PGCKA1: variants seen among roughly 807,000 people sequenced by gnomAD.
PGCKA1 encodes the protein PDCD10 and GCKIII kinases associated 1, also known as PDCD10 and GCKIII kinases-associated protein 1.
At chr4:37,508,339 T>G in the PGCKA1 span, among the ~76,000 whole-genome samples, 7 of 152,158 alleles carry the variant, frequency 4.6e-5, no homozygotes, top group African/African-American at 1.7e-4. Flanking sequence ...CCAATAACTT[T>G]TAGATTTGCC....
chr4:37,556,578 T>C, the PGCKA1 span, among the ~76,000 whole-genome samples: 1 of 152,178 alleles, frequency 6.6e-6, no homozygotes, highest in African/African-American at 2.4e-5. Flanking sequence ...TTATTAGTTT[T>C]TCATCCGATA....
chr4:37,591,113 C>T, the PGCKA1 span: 1 of 822,730 alleles, frequency 1.2e-6, no homozygotes, highest in Non-Finnish European at 1.9e-6. Context: ...GCAGCCTTAC[C>T]AGTTGTTTAC....
At chr4:37,462,705 A>AT in the PGCKA1 span, among the ~76,000 whole-genome samples, 2 of 151,930 alleles carry the variant, frequency 1.3e-5, no homozygotes, top group East Asian at 1.9e-4. Flanking sequence ...AAAGATTTTT[A>AT]TTTTTTTTCA....
the PGCKA1 span, among the ~76,000 whole-genome samples, chr4:37,473,750 C>T: frequency 2.0e-5 from 3 of 152,154 alleles, no homozygotes; most frequent in Admixed American, 2.0e-4. Flanking sequence ...CTTCTAGGCT[C>T]CCTGACCAAC....
chr4:37,567,612 A>C, the PGCKA1 span, among the ~76,000 whole-genome samples: 1 of 151,974 alleles, frequency 6.6e-6, no homozygotes, highest in Non-Finnish European at 1.5e-5. Flanking sequence ...AATCTTCCTG[A>C]ATGTTCGTCT....
chr4:37,535,415 C>A, the PGCKA1 span, among the ~76,000 whole-genome samples: 1 of 152,134 alleles, frequency 6.6e-6, no homozygotes, highest in Non-Finnish European at 1.5e-5. Context: ...TTCTCTATAT[C>A]CACACCTTGT....
At chr4:37,549,345 A>G in the PGCKA1 span, among the ~76,000 whole-genome samples, 3 of 150,026 alleles carry the variant, frequency 2.0e-5, no homozygotes, top group African/African-American at 7.4e-5. Context: ...CAACCAGAAG[A>G]AAAAAAAAAT....
At chr4:37,513,512 G>A in the PGCKA1 span, among the ~76,000 whole-genome samples, 7 of 152,254 alleles carry the variant, frequency 4.6e-5, no homozygotes, top group East Asian at 1.2e-3. Flanking sequence ...CTTCCTGCAA[G>A]GACACTAATC....
At chr4:37,546,623 T>A in the PGCKA1 span, among the ~76,000 whole-genome samples, 13 of 152,342 alleles carry the variant, frequency 8.5e-5, no homozygotes, top group Non-Finnish European at 1.0e-4. Flanking sequence ...CCCTTCCTTC[T>A]AAAACTTGGT....
chr4:37,546,238 A>C, the PGCKA1 span, among the ~76,000 whole-genome samples: 11 of 152,212 alleles, frequency 7.2e-5, no homozygotes, highest in Non-Finnish European at 1.5e-4. Flanking sequence ...TTTTATACTC[A>C]GTACCTGTTT....
chr4:37,458,736 G>A, the PGCKA1 span, among the ~76,000 whole-genome samples: 5 of 152,172 alleles, frequency 3.3e-5, no homozygotes, highest in Non-Finnish European at 7.3e-5. Context: ...AACTCGAGAA[G>A]CCAGCTCAGA....
At chr4:37,489,794 G>A in the PGCKA1 span, among the ~76,000 whole-genome samples, 8 of 152,098 alleles carry the variant, frequency 5.3e-5, no homozygotes, top group Non-Finnish European at 8.8e-5. Flanking sequence ...ACACTAGCAG[G>A]GTTTTTCCAG....
chr4:37,481,847 G>A, the PGCKA1 span, among the ~76,000 whole-genome samples: 1 of 152,166 alleles, frequency 6.6e-6, no homozygotes, highest in Admixed American at 6.5e-5. Flanking sequence ...AGGACCCGGT[G>A]GCAGGTAATT....
At chr4:37,458,973 T>C in the PGCKA1 span, among the ~76,000 whole-genome samples, 2 of 152,188 alleles carry the variant, frequency 1.3e-5, no homozygotes, top group Non-Finnish European at 2.9e-5. Flanking sequence ...CCAGACATGT[T>C]AGTCTGGATT....
At chr4:37,555,332 T>C in the PGCKA1 span, among the ~76,000 whole-genome samples, 189 of 152,286 alleles carry the variant, frequency 1.2e-3, no homozygotes, top group African/African-American at 4.4e-3. Context: ...TAACAGACAG[T>C]TGGATACTTT....
At chr4:37,571,455 C>A in the PGCKA1 span, among the ~76,000 whole-genome samples, 1 of 149,998 alleles carries the variant, frequency 6.7e-6, no homozygotes, top group Admixed American at 6.7e-5. Flanking sequence ...CTCCACCTCC[C>A]GGGTTCAAAC....
chr4:37,494,777 A>T, the PGCKA1 span, among the ~76,000 whole-genome samples: 2 of 152,028 alleles, frequency 1.3e-5, no homozygotes, highest in Non-Finnish European at 2.9e-5. Context: ...CCGCAACCTC[A>T]CCAGCACCTG....
the PGCKA1 span, among the ~76,000 whole-genome samples, chr4:37,518,196 C>T: frequency 6.6e-6 from 1 of 152,144 alleles, no homozygotes; most frequent in African/African-American, 2.4e-5. Context: ...TAGGTTGCTT[C>T]TAAATATTAG....
the PGCKA1 span, among the ~76,000 whole-genome samples, chr4:37,505,040 G>T: frequency 6.6e-6 from 1 of 152,174 alleles, no homozygotes; most frequent in Non-Finnish European, 1.5e-5. Context: ...CATTCAGTAT[G>T]ATACCAGCTG....
Sources: gnomAD v4.1 joint callset for allele counts (sites outside exome capture counted in the v4.1 genomes callset) on GRCh38, gnomAD v4.1.1 for gene constraint, MANE v1.5 for transcripts, NCBI Gene and HGNC (gene_info 2026-07-23, HGNC 2026-07-21) for gene names.